Variants in PTGER3 observed in about 807,000 individuals in gnomAD.
The protein encoded by PTGER3 is prostaglandin E receptor 3.
In PTGER3, 22 loss-of-function variants were observed where a neutral mutation model predicts 34.7. The observed-to-expected ratio is 0.63, with a 90% CI of 0.45 to 0.91. The LOEUF is 0.91. Among genes scored for constraint, PTGER3 ranks in the 40% least tolerant of loss-of-function variants. PTGER3 has a pLI of 0.00. For synonymous variants in PTGER3, 241 were observed against 230.1 expected, an observed-to-expected ratio of 1.05 and a Z score of -0.43; for missense variants, 468 against 519.4, an observed-to-expected ratio of 0.90 and a Z score of 0.96.
At chr1:70,898,543 G>GT (rs1280149121) in intron 4 of PTGER3, among the ~76,000 whole-genome samples, 2 of 152,098 alleles carry the variant, frequency 1.3e-5, no homozygotes, top group African/African-American at 4.8e-5. Flanking sequence ...CCTCTGCACT[G>GT]TAACTGCATC....
chr1:70,977,790 T>G (rs1489029039), intron 2 of PTGER3, among the ~76,000 whole-genome samples: 1 of 152,014 alleles, frequency 6.6e-6, no homozygotes, highest in Non-Finnish European at 1.5e-5. Context: ...CAAACACCTG[T>G]GCTTGACTGT....
chr1:70,933,896 C>T (rs1304561407), intron 4 of PTGER3, among the ~76,000 whole-genome samples: 1 of 151,998 alleles, frequency 6.6e-6, no homozygotes, highest in Non-Finnish European at 1.5e-5. Flanking sequence ...ACAGTACTGC[C>T]AGGCATTGGA....
chr1:70,989,930 T>C (rs1374252580), intron 2 of PTGER3, among the ~76,000 whole-genome samples: 1 of 151,490 alleles, frequency 6.6e-6, no homozygotes, highest in African/African-American at 2.4e-5. Context: ...TATTTTCACA[T>C]ATATACATGT....
At chr1:70,986,524 G>A (rs1040191763) in intron 2 of PTGER3, among the ~76,000 whole-genome samples, 1 of 152,152 alleles carries the variant, frequency 6.6e-6, no homozygotes, top group African/African-American at 2.4e-5. Context: ...TGGGGTCAAG[G>A]AAGCAGGACC....
chr1:70,953,139 G>C (rs1650942955), intron 3 of PTGER3: 1 of 1,220,418 alleles, frequency 8.2e-7, no homozygotes, highest in African/African-American at 1.5e-5. Context: ...AAATAAAAAG[G>C]TGATACAGTA....
At chr1:70,947,506 A>T (rs191437586), downstream of PTGER3, 1 of 152,356 alleles carries the variant, frequency 6.6e-6, no homozygotes, top group Admixed American at 6.5e-5. Flanking sequence ...TTTTCTTCTC[A>T]GTCTTGATTG....
At chr1:70,988,708 G>T (rs1022813307) in intron 2 of PTGER3, among the ~76,000 whole-genome samples, 2 of 152,148 alleles carry the variant, frequency 1.3e-5, no homozygotes, top group African/African-American at 2.4e-5. Context: ...AAATAGGAAA[G>T]AGATACCCAT....
chr1:70,949,813 A>G (rs1464280127), downstream of PTGER3, among the ~76,000 whole-genome samples: 2 of 152,158 alleles, frequency 1.3e-5, no homozygotes, highest in Non-Finnish European at 2.9e-5. Context: ...AGAACTTGAA[A>G]TGTAGCTAGC....
intron 4 of PTGER3, among the ~76,000 whole-genome samples, chr1:70,864,582 C>G (rs945613345): frequency 6.6e-6 from 1 of 152,128 alleles, no homozygotes; most frequent in South Asian, 2.1e-4. Context: ...TTCCACATAC[C>G]CTGTGTGTAA....
At chr1:70,908,354 A>T (rs1373463473) in intron 4 of PTGER3, among the ~76,000 whole-genome samples, 1 of 152,166 alleles carries the variant, frequency 6.6e-6, no homozygotes, top group African/African-American at 2.4e-5. Context: ...TCTGGATGCC[A>T]CTGCTCTTAG....
intron 4 of PTGER3, among the ~76,000 whole-genome samples, chr1:70,923,173 A>C (rs1318033688): frequency 6.6e-6 from 1 of 151,246 alleles, no homozygotes; most frequent in East Asian, 1.9e-4. Context: ...TATAAAAATC[A>C]TACAAGAAGC....
intron 2 of PTGER3, among the ~76,000 whole-genome samples, chr1:70,965,011 A>G (rs1274622372): frequency 6.6e-6 from 1 of 152,184 alleles, no homozygotes; most frequent in Non-Finnish European, 1.5e-5. Flanking sequence ...TCTTGAAGGA[A>G]GTGGTACTTC....
intron 4 of PTGER3, among the ~76,000 whole-genome samples, chr1:70,893,936 A>G (rs1045702088): frequency 1.3e-5 from 2 of 152,220 alleles, no homozygotes; most frequent in Non-Finnish European, 2.9e-5. Context: ...ATCTACACAT[A>G]ACAGCCTTAT....
At chr1:70,933,940 TTGAAA>T (rs1648964719) in intron 4 of PTGER3, among the ~76,000 whole-genome samples, 1 of 152,144 alleles carries the variant, frequency 6.6e-6, no homozygotes, top group East Asian at 1.9e-4. Flanking sequence ...TGGAAATTAA[TTGAAA>T]AGTTGAAGTA....
chr1:71,018,576 A>G (rs1658122734), intron 1 of PTGER3, among the ~76,000 whole-genome samples: 1 of 152,154 alleles, frequency 6.6e-6, no homozygotes, highest in African/African-American at 2.4e-5. Context: ...ACTATCCTCC[A>G]GAAAGTGTTC....
chr1:71,014,903 C>T (rs1195937850), intron 1 of PTGER3, among the ~76,000 whole-genome samples: 1 of 152,194 alleles, frequency 6.6e-6, no homozygotes, highest in Non-Finnish European at 1.5e-5. Flanking sequence ...ACTAGAAAAT[C>T]ATCAATGTCT....
At chr1:70,952,945 T>G in exon 4 of PTGER3, 1 of 1,613,134 alleles carries the variant, frequency 6.2e-7, no homozygotes, top group South Asian at 1.1e-5. Flanking sequence ...GTGTACACAT[T>G]AATGCTGCTC....
rs958875807 is a variant in PTGER3, at chr1:70,996,816, A to T, written c.1077+15489T>A. 1.1e-4 allele frequency among the ~76,000 whole-genome samples: 16 copies of T among 152,110 alleles called. No individual in the cohort carries two copies. In the East Asian group the frequency reaches 2.7e-3, roughly 26 times the overall value. On this transcript the variant is annotated intron_variant, in intron 2 of 3. Coordinates refer to ENST00000306666, the MANE Select transcript of PTGER3 (RefSeq NM_198719.2). ...GTAGGTGGGACTACAGGCGCCCGCC[A>T]CCGCGCCCAGCCTTTTTTTGTGTTT...
chr1:71,032,890 C>A (rs1572984933), intron 1 of PTGER3, among the ~76,000 whole-genome samples: 1 of 152,136 alleles, frequency 6.6e-6, no homozygotes, highest in East Asian at 1.9e-4. Flanking sequence ...TTAGAAAGAA[C>A]AATGACAACA....
Sources: allele counts gnomAD v4.1 joint callset (sites outside exome capture counted in the v4.1 genomes callset), GRCh38; gene constraint gnomAD v4.1.1; transcripts MANE v1.5; gene names NCBI Gene and HGNC (gene_info 2026-07-23, HGNC 2026-07-21).